The following CACNB2 variants were observed in gnomAD, a reference collection of about 807,000 sequenced individuals.
CACNB2 encodes voltage-dependent L-type calcium channel subunit beta-2.
CACNB2 carries 42 observed loss-of-function variants against 73.3 expected under a neutral mutation model. The ratio of observed to expected loss-of-function variants is 0.57; its 90% CI spans 0.45 to 0.74. The LOEUF is 0.74. Ranked by LOEUF, CACNB2 falls within the 30% of genes least tolerant of loss-of-function variation. The pLI, the probability that CACNB2 is intolerant of heterozygous loss-of-function variation, is 0.00. For synonymous variants in CACNB2, 348 were observed against 310.3 expected (o/e 1.12, Z -1.28); for missense variants, 940 against 853.0 (o/e 1.10, Z -1.27).
At chr10:18,317,087 T>G (rs980814853) in intron 2 of CACNB2, among the ~76,000 whole-genome samples, 14 of 151,962 alleles carry the variant, frequency 9.2e-5, no homozygotes, top group Non-Finnish European at 1.2e-4. Context: ...CTTACAGCTG[T>G]CTCCCCATTC....
intron 3 of CACNB2, among the ~76,000 whole-genome samples, chr10:18,487,085 C>T (rs975026346): frequency 3.3e-5 from 5 of 152,120 alleles, no homozygotes; most frequent in Non-Finnish European, 5.9e-5. Flanking sequence ...AGAGATTGTT[C>T]GGACCAGGTG....
chr10:18,283,544 A>G (rs1206882987), intron 2 of CACNB2, among the ~76,000 whole-genome samples: 17 of 152,204 alleles, frequency 1.1e-4, no homozygotes, highest in Middle Eastern at 3.4e-3. Flanking sequence ...GCTGGAAACC[A>G]TCATTCTGAG....
intron 3 of CACNB2, among the ~76,000 whole-genome samples, chr10:18,411,031 C>T (rs571900125): frequency 6.6e-5 from 10 of 152,152 alleles, no homozygotes; most frequent in South Asian, 6.3e-4. Flanking sequence ...TTATGAAAAA[C>T]GCAAGCACAA....
chr10:18,359,041 A>G (rs555071466), intron 2 of CACNB2, among the ~76,000 whole-genome samples: 1 of 152,254 alleles, frequency 6.6e-6, no homozygotes, highest in South Asian at 2.1e-4. Flanking sequence ...GCAAATAGTG[A>G]CACAAATTGT....
At chr10:18,502,508 G>T (rs2050250783) in intron 5 of CACNB2, among the ~76,000 whole-genome samples, 1 of 149,474 alleles carries the variant, frequency 6.7e-6, no homozygotes, top group Non-Finnish European at 1.5e-5. Context: ...GGGCAACATT[G>T]TGAAACCCCG....
intron 3 of CACNB2, among the ~76,000 whole-genome samples, chr10:18,432,537 T>C (rs548247484): frequency 2.4e-4 from 37 of 151,864 alleles, no homozygotes; most frequent in Non-Finnish European, 4.7e-4. Flanking sequence ...AAATACATTT[T>C]CAAAAACATT....
intron 2 of CACNB2, among the ~76,000 whole-genome samples, chr10:18,177,453 C>G (rs1247299146): frequency 9.4e-6 from 1 of 106,420 alleles, no homozygotes; most frequent in Non-Finnish European, 1.9e-5. Flanking sequence ...AACCCCGTCT[C>G]TATTAAAAAT....
intron 9 of CACNB2, among the ~76,000 whole-genome samples, chr10:18,526,069 A>C (rs539743597): frequency 6.6e-6 from 1 of 152,348 alleles, no homozygotes; most frequent in Non-Finnish European, 1.5e-5. Flanking sequence ...AATAAGGCAT[A>C]AAATAATTAA....
In CACNB2 at chr10:18,539,192, A is replaced by T. The variant is rs2053901510; in HGVS notation, c.1489-38A>T. On this transcript the variant is annotated intron_variant, in intron 13 of 13. Transcript: ENST00000324631. ...TCTGGGACATGTTCTTTACACACTG[A>T]CCTTGGTTAACGCCTGGTGTGCTCC... 2.5e-6 allele frequency: 4 copies of T among 1,613,320 alleles called. No homozygotes were observed. In the African/African-American group the frequency reaches 4.0e-5, roughly 16 times the overall value.
intron 10 of CACNB2, among the ~76,000 whole-genome samples, chr10:18,532,172 TAC>T (rs758803504): frequency 4.6e-5 from 7 of 152,238 alleles, no homozygotes; most frequent in Non-Finnish European, 1.0e-4. Context: ...TATCTACTAA[TAC>T]AGTGTTGCAC....
chr10:18,159,266 G>T (rs1272315635), intron 2 of CACNB2, among the ~76,000 whole-genome samples: 1 of 152,176 alleles, frequency 6.6e-6, no homozygotes. Flanking sequence ...GCCGCGTATA[G>T]CCCGGACTCG....
At chr10:18,532,672 G>A (rs1330428964) in intron 10 of CACNB2, among the ~76,000 whole-genome samples, 1 of 93,294 alleles carries the variant, frequency 1.1e-5, no homozygotes, top group Non-Finnish European at 2.1e-5. Context: ...GAGAGACTCT[G>A]TCTCAAAAAA....
chr10:18,160,328 T>A (rs1406313715), intron 2 of CACNB2, among the ~76,000 whole-genome samples: 1 of 152,208 alleles, frequency 6.6e-6, no homozygotes, highest in East Asian at 1.9e-4. Flanking sequence ...CGTATATACT[T>A]TTCTATGAAG....
chr10:18,243,617 C>A (rs1033535193), intron 2 of CACNB2, among the ~76,000 whole-genome samples: 16 of 152,126 alleles, frequency 1.1e-4, no homozygotes, highest in Admixed American at 9.8e-4. Flanking sequence ...TGCCCTTCCT[C>A]GGGGATGAGT....
intron 2 of CACNB2, among the ~76,000 whole-genome samples, chr10:18,327,192 C>A (rs2040619322): frequency 9.2e-5 from 14 of 152,128 alleles, no homozygotes; most frequent in Admixed American, 9.2e-4. Flanking sequence ...TATTCCAGAG[C>A]ACCTGTGGAT....
intron 2 of CACNB2, among the ~76,000 whole-genome samples, chr10:18,214,903 G>C (rs925944650): frequency 2.0e-5 from 3 of 152,146 alleles, no homozygotes; most frequent in South Asian, 2.1e-4. Flanking sequence ...TCATGTCCAC[G>C]CCAGGGATTT....
intron 11 of CACNB2, among the ~76,000 whole-genome samples, chr10:18,534,511 C>A (rs954611025): frequency 6.6e-6 from 1 of 152,156 alleles, no homozygotes; most frequent in Non-Finnish European, 1.5e-5. Flanking sequence ...GCCATTTTCA[C>A]TGTTTTGATA....
At chr10:18,442,942 G>A (rs11014243) in intron 3 of CACNB2, among the ~76,000 whole-genome samples, 12,634 of 32,240 alleles carry the variant, frequency 0.39, 2,235 homozygotes, top group East Asian at 0.55. Flanking sequence ...ATATATATAT[G>A]TGTATATATA....
intron 2 of CACNB2, among the ~76,000 whole-genome samples, chr10:18,303,473 C>T (rs1050881948): frequency 4.6e-5 from 7 of 152,102 alleles, no homozygotes; most frequent in African/African-American, 1.7e-4. Context: ...CCACTGCAAT[C>T]CAGCCTGCGT....
Sources: gnomAD v4.1 joint callset for allele counts (sites outside exome capture counted in the v4.1 genomes callset) on GRCh38, gnomAD v4.1.1 for gene constraint, MANE v1.5 for transcripts, NCBI Gene and HGNC (gene_info 2026-07-23, HGNC 2026-07-21) for gene names.